FBXO42: variants seen among roughly 807,000 people sequenced by gnomAD.
The protein encoded by FBXO42 is F-box only protein 42.
In FBXO42, 12 loss-of-function variants were observed where a neutral mutation model predicts 71.7. The observed-to-expected ratio is 0.17, with a 90% CI of 0.11 to 0.27. The LOEUF is 0.27. FBXO42 is among the 10% of genes least tolerant of loss of function. FBXO42 has a pLI of 1.00. For missense variants in FBXO42, 707 were observed against 911.9 expected (o/e 0.78, Z 2.89); for synonymous variants, 325 against 327.5 (o/e 0.99, Z 0.08).
At chr1:16,273,742 G>A (rs1224563970) in intron 4 of FBXO42, among the ~76,000 whole-genome samples, 1 of 152,036 alleles carries the variant, frequency 6.6e-6, no homozygotes, top group Non-Finnish European at 1.5e-5. Flanking sequence ...AACCGGGTGT[G>A]GTGATGCACA....
rs115757635 is a variant in FBXO42, at chr1:16,262,356, T to C, written c.503-5597A>G. Among the ~76,000 whole-genome samples, 635 of 152,314 alleles carry C rather than the reference T, an allele frequency of 4.2e-3. 5 individuals are homozygous for C. The highest frequency in any genetic ancestry group is 7.8e-3 in the Non-Finnish European group (529 of 68,026). On this transcript the variant is annotated intron_variant, in intron 4 of 9. Coordinates refer to ENST00000375592, the MANE Select transcript of FBXO42 (RefSeq NM_018994.3). ...ATACTTTGAATTTGTTTAAAGCAGA[T>C]GGTCCTTAATTCCCTCTCGATGATC...
At chr1:16,291,753 C>G (rs1338993385) in intron 4 of FBXO42, among the ~76,000 whole-genome samples, 1 of 152,056 alleles carries the variant, frequency 6.6e-6, no homozygotes, top group Non-Finnish European at 1.5e-5. Context: ...CTCACTGTAG[C>G]CTTGAACTCC....
intron 3 of FBXO42, among the ~76,000 whole-genome samples, chr1:16,295,796 A>C (rs1432729414): frequency 6.6e-6 from 1 of 152,184 alleles, no homozygotes; most frequent in African/African-American, 2.4e-5. Context: ...AGTTTTTATT[A>C]ATTCCAAAGG....
intron 4 of FBXO42, among the ~76,000 whole-genome samples, chr1:16,289,220 C>T (rs534619751): frequency 1.3e-5 from 2 of 151,426 alleles, no homozygotes; most frequent in Non-Finnish European, 2.9e-5. Flanking sequence ...CATAGTGACA[C>T]CCTAGTTCTA....
intron 2 of FBXO42, among the ~76,000 whole-genome samples, chr1:16,306,539 CA>C (rs2082252807): frequency 6.6e-6 from 1 of 152,064 alleles, no homozygotes; most frequent in South Asian, 2.1e-4. Context: ...TACTCCAAAG[CA>C]AAGGTGTTGG....
chr1:16,290,720 C>T (rs2082068613), intron 4 of FBXO42, among the ~76,000 whole-genome samples: 1 of 151,206 alleles, frequency 6.6e-6, no homozygotes, highest in Admixed American at 6.6e-5. Flanking sequence ...CCAGAGCTCA[C>T]TCTCTGCTAC....
rs979366688 is a variant in FBXO42, at chr1:16,252,236, T to C, written c.1038+52A>G. 8.0e-6 allele frequency: 11 copies of C among 1,369,110 alleles called. No individual in the cohort carries two copies. In the African/African-American group the frequency reaches 1.1e-4, roughly 14 times the overall value. The allele number at this position is 1,369,110 out of a possible 1,614,324, so 84.8% of individuals were successfully genotyped here. A position where few individuals can be genotyped will look rare whatever the true frequency, so the allele number is the denominator to read the frequency against. On this transcript the variant is annotated intron_variant, in intron 9 of 9. Coordinates refer to ENST00000375592, the MANE Select transcript of FBXO42 (RefSeq NM_018994.3). This position sits in a 1 kb window ranked among gnomAD's most constrained non-coding sequence, Gnocchi z 4.4. ...TTGTAACCTGACAAAGTAATGTGGTTTTCCACAATTTAGGACCTGTCCTCC... is the reference window on the plus strand; with the variant it reads ...TTGTAACCTGACAAAGTAATGTGGTCTTCCACAATTTAGGACCTGTCCTCC...
rs1458707746 is a variant in FBXO42 at position 16,251,686 on chromosome 1, G to A, written c.1138C>T (p.Pro380Ser). ...TCTCGGGTTTCAGGAACGAGAGCTG[G>A]AGGAGTGGCACTGATAGGTGATGGG... ...SRPSPISATP[P>S]ALVPETREYR... Residue 380 changes from proline to serine, a missense_variant, in exon 10 of 10, where the codon CCA (proline) becomes TCA (serine). Transcript: ENST00000375592. This position sits in a 1 kb window ranked among gnomAD's most constrained non-coding sequence, Gnocchi z 4.5. 6.2e-7 allele frequency: 1 copy of A among 1,614,192 alleles called. No homozygotes were observed. The highest frequency in any genetic ancestry group is 8.5e-7 in the Non-Finnish European group (1 of 1,180,038).
At chr1:16,296,577 G>A (rs1451461411) in intron 3 of FBXO42, among the ~76,000 whole-genome samples, 2 of 151,050 alleles carry the variant, frequency 1.3e-5, no homozygotes, top group Non-Finnish European at 2.9e-5. Context: ...TTGAACCCGG[G>A]AGGCGGAGGT....
chr1:16,306,005 C>A, intron 2 of FBXO42, 86 bp from the exon 3 acceptor site: 2 of 938,800 alleles, frequency 2.1e-6, no homozygotes, highest in Non-Finnish European at 3.3e-6. Flanking sequence ...CTGTTTTTAT[C>A]ATTTTTATAC....
chr1:16,345,066 T>C (rs2082643343), intron 1 of FBXO42, among the ~76,000 whole-genome samples: 1 of 151,670 alleles, frequency 6.6e-6, no homozygotes, highest in Non-Finnish European at 1.5e-5. Flanking sequence ...GCCATTGTAC[T>C]CCAGCCTGAG....
At position 16,251,480 on chromosome 1, in the gene FBXO42, C is replaced by T. The variant is rs751803662; in HGVS notation, c.1344G>A (p.Thr448=). Residue 448 remains threonine, a synonymous_variant, in exon 10 of 10, where the codon ACG becomes ACA. Transcript: ENST00000375592. This position sits in a 1 kb window ranked among gnomAD's most constrained non-coding sequence, Gnocchi z 4.5. ...ILNGGSLSPG[T]AAVGGSSLDS... ...CCAAAGAAGAGCCACCCACAGCTGCCGTTCCTGGAGACAAACTCCCACCAT... is the reference window on the plus strand; with the variant it reads ...CCAAAGAAGAGCCACCCACAGCTGCTGTTCCTGGAGACAAACTCCCACCAT... 33 of 1,614,150 alleles carry T rather than the reference C, an allele frequency of 2.0e-5. 1 individual carries two copies. Among genetic ancestry groups the T allele is most frequent in the South Asian group, 1.1e-4 (10 of 91,076 alleles).
intron 2 of FBXO42, among the ~76,000 whole-genome samples, chr1:16,311,352 G>C (rs1404980664): frequency 6.6e-6 from 1 of 150,568 alleles, no homozygotes; most frequent in Non-Finnish European, 1.5e-5. Flanking sequence ...GCTGGGTGTG[G>C]TGGTACACAC....
At chr1:16,267,447 T>C (rs2081788944) in intron 4 of FBXO42, among the ~76,000 whole-genome samples, 1 of 151,942 alleles carries the variant, frequency 6.6e-6, no homozygotes, top group South Asian at 2.1e-4. Context: ...GACTACACTA[T>C]CCTAGAAGAC....
chr1:16,271,937 G>A (rs1163382843), intron 4 of FBXO42, among the ~76,000 whole-genome samples: 2 of 148,198 alleles, frequency 1.3e-5, no homozygotes, highest in Non-Finnish European at 3.0e-5. Context: ...TCAGGAGTTC[G>A]AGACCAGCCT....
intron 1 of FBXO42, among the ~76,000 whole-genome samples, chr1:16,328,219 T>A (rs1027130428): frequency 1.3e-5 from 2 of 152,152 alleles, no homozygotes. Context: ...GATCCTAGAT[T>A]ATGATAAAAC....
At chr1:16,343,298 C>CT (rs2082624283) in intron 1 of FBXO42, among the ~76,000 whole-genome samples, 1 of 152,186 alleles carries the variant, frequency 6.6e-6, no homozygotes, top group Admixed American at 6.6e-5. Context: ...AATGCCAACA[C>CT]TTTAGGTCAA....
In FBXO42 at chr1:16,308,749, T is replaced by G. The variant is rs560585635; in HGVS notation, c.251-2830A>C. Among the ~76,000 whole-genome samples the G allele has an allele frequency of 1.0e-3, 148 of 143,108 alleles. 1 individual carries two copies. Among genetic ancestry groups the G allele is most frequent in the African/African-American group, 3.7e-3 (141 of 38,552 alleles). The allele number at this position is 143,108 out of a possible 152,430, so 93.9% of individuals were successfully genotyped here. On this transcript the variant is annotated intron_variant, in intron 2 of 9. Transcript: ENST00000375592. ...GGGAGACCCCATCTCTGTTTTTTTT[T>G]TTTTTTTTTTTTTGAGAAGGAGTCT...
chr1:16,340,679 C>T (rs975617749), intron 1 of FBXO42, among the ~76,000 whole-genome samples: 2 of 152,222 alleles, frequency 1.3e-5, no homozygotes, highest in Non-Finnish European at 2.9e-5. Context: ...TAAAACTTAA[C>T]CTTATGTTCT....
Sources: allele counts gnomAD v4.1 joint callset (sites outside exome capture counted in the v4.1 genomes callset), GRCh38; gene constraint gnomAD v4.1.1; non-coding constraint Gnocchi (gnomAD v3.1); transcripts MANE v1.5; gene names NCBI Gene and HGNC (gene_info 2026-07-23, HGNC 2026-07-21).